Variants in VPS35L observed in about 807,000 individuals in gnomAD.
VPS35L encodes VPS35 endosomal protein-sorting factor-like.
VPS35L carries 83 observed loss-of-function variants against 133.0 expected under a neutral mutation model. The ratio of observed to expected loss-of-function variants is 0.62; its 90% confidence interval spans 0.52 to 0.75. VPS35L has a LOEUF of 0.75. Ranked by LOEUF, VPS35L falls within the 30% of genes least tolerant of loss-of-function variation. The pLI, the probability that VPS35L is intolerant of heterozygous loss-of-function variation, is 0.00. For missense variants in VPS35L, 1,083 were observed against 1,206.8 expected, an observed-to-expected ratio of 0.90 and a Z score of 1.52; for synonymous variants, 423 against 449.9, an observed-to-expected ratio of 0.94 and a Z score of 0.76.
rs568712960 is a variant in VPS35L, at chr16:19,690,058, G to T, written c.2528-1295G>T. Among the ~76,000 whole-genome samples, 3 of 152,110 alleles carry T rather than the reference G, an allele frequency of 2.0e-5. No homozygotes were observed. The South Asian group carries it at 6.2e-4, about 32-fold the overall frequency. On this transcript the variant is annotated intron_variant, in intron 28 of 30. Transcript: ENST00000417362. ...CTCCCAAGTATCTGGGACTACAGGC[G>T]TGAGCTACCAAACACAGCTAATTTT...
chr16:19,642,352 G>C (rs1973812274), intron 21 of VPS35L, 44 bp from the exon 22 acceptor site: 1 of 1,533,598 alleles, frequency 6.5e-7, no homozygotes, highest in Non-Finnish European at 9.0e-7. Context: ...TTGCAGTGCT[G>C]TCAGTGGACA....
chr16:19,575,828 C>T (rs1255912747), intron 5 of VPS35L, among the ~76,000 whole-genome samples: 3 of 131,300 alleles, frequency 2.3e-5, no homozygotes, highest in Non-Finnish European at 4.8e-5. Context: ...GCACTCCAGC[C>T]TGGGCAACAA....
chr16:19,667,031 T>G (rs1974716528), intron 26 of VPS35L, among the ~76,000 whole-genome samples: 2 of 150,564 alleles, frequency 1.3e-5, no homozygotes, highest in Non-Finnish European at 3.0e-5. Context: ...TTGCCCAGGC[T>G]CGGCTCACTG....
In VPS35L at chr16:19,564,931, A is replaced by G. The variant is rs770385859; in HGVS notation, c.98A>G (p.His33Arg). The change falls in exon 2 of 31, where the codon CAC becomes CGC. Residue 33 changes from histidine (H) to arginine (R), a missense_variant. By Grantham distance (29) the His-to-Arg change is conservative (BLOSUM62 0). Coordinates refer to ENST00000417362, the MANE Select transcript of VPS35L (RefSeq NM_020314.7). ...GTACCATTGGAGTTTGGGGACTATCACCCTCTGAAACCCATAACTGTAAGT... is the reference window on the plus strand; with the variant it reads ...GTACCATTGGAGTTTGGGGACTATCGCCCTCTGAAACCCATAACTGTAAGT... ...EAVPLEFGDY[H>R]PLKPITVTES... 7.5e-6 allele frequency: 12 copies of G among 1,609,144 alleles called. No individual in the cohort carries two copies. Among genetic ancestry groups the G allele is most frequent in the African/African-American group, 1.3e-5 (1 of 74,756 alleles).
Position 19,626,221 on chromosome 16 carries a change from CAAGT to C in VPS35L, c.1271+4_1271+7del. ...TGGAAAGGTGTAAGAAACTAGGAAACAAGTAAGTATTTTAAGATTCATAAAGCAT... is the reference window on the plus strand; with the variant it reads ...TGGAAAGGTGTAAGAAACTAGGAAACAAGTATTTTAAGATTCATAAAGCAT... On this transcript the variant is annotated splice_donor_variant and coding_sequence_variant, in exon 15 of 31. Transcript: ENST00000417362. LOFTEE classifies it high-confidence loss of function. 2 of 1,597,298 alleles carry C rather than the reference CAAGT, an allele frequency of 1.3e-6. No homozygotes were observed. Among genetic ancestry groups the C allele is most frequent in the Non-Finnish European group, 1.7e-6 (2 of 1,168,992 alleles).
chr16:19,579,332 T>C, intron 6 of VPS35L: 1 of 527,118 alleles, frequency 1.9e-6, no homozygotes, highest in Admixed American at 3.3e-5. Context: ...GCTGCTTTTC[T>C]AGAGGCCTCT....
intron 18 of VPS35L, among the ~76,000 whole-genome samples, chr16:19,630,184 A>G (rs1175612407): frequency 6.6e-6 from 1 of 152,090 alleles, no homozygotes; most frequent in East Asian, 1.9e-4. Flanking sequence ...TTCCTAAGCA[A>G]ATATTTCTTT....
At chr16:19,673,318 C>T (rs1974939297) in intron 27 of VPS35L, among the ~76,000 whole-genome samples, 1 of 152,202 alleles carries the variant, frequency 6.6e-6, no homozygotes, top group African/African-American at 2.4e-5. Flanking sequence ...ATTTGCATCT[C>T]CCCTTGAAAA....
chr16:19,678,728 T>C (rs1342786369), intron 27 of VPS35L, among the ~76,000 whole-genome samples: 2 of 151,824 alleles, frequency 1.3e-5, no homozygotes, highest in East Asian at 3.9e-4. Flanking sequence ...TCCACCTGCC[T>C]CGGCCTCCCA....
rs372517245 is a variant in VPS35L, at chr16:19,560,935, T to C, written c.18-3916T>C. ...ATCGAGGATTGCCTGATAGCATCCT[T>C]GATGGGATGGGAGTTTGGAGGAATA... On this transcript the variant is annotated intron_variant, in intron 1 of 30. Coordinates refer to ENST00000417362, the MANE Select transcript of VPS35L (RefSeq NM_020314.7). Among the ~76,000 whole-genome samples, 9 of 152,150 alleles carry C rather than the reference T, an allele frequency of 5.9e-5. No individual in the cohort carries two copies. The East Asian group carries it at 1.2e-3, about 20-fold the overall frequency.
At chr16:19,678,196 T>G (rs143867205) in intron 27 of VPS35L, among the ~76,000 whole-genome samples, 2 of 152,018 alleles carry the variant, frequency 1.3e-5, no homozygotes, top group African/African-American at 4.8e-5. Flanking sequence ...TCCCAAGGGG[T>G]TTAGTAGAAG....
At chr16:19,653,549 G>T (rs1014958368) in intron 26 of VPS35L, among the ~76,000 whole-genome samples, 1 of 152,310 alleles carries the variant, frequency 6.6e-6, no homozygotes, top group African/African-American at 2.4e-5. Context: ...CCCCTGATCT[G>T]TCTGGCTCAA....
intron 8 of VPS35L, among the ~76,000 whole-genome samples, chr16:19,598,269 G>A (rs567970257): frequency 3.3e-5 from 5 of 152,258 alleles, no homozygotes; most frequent in African/African-American, 9.6e-5. Flanking sequence ...TAAAGTAAAT[G>A]ACCTTGAATA....
chr16:19,691,322 G>A lies in VPS35L; in HGVS notation c.2528-31G>A, dbSNP rs771713446. 7.6e-6 allele frequency: 12 copies of A among 1,576,600 alleles called. No individual in the cohort carries two copies. The Admixed American group carries it at 1.3e-4, about 18-fold the overall frequency. ...TGGCCAGCATGGCCGCGGGGCTTGG[G>A]TCTGTCTCACTGTTCTTGTTTGTTC... On this transcript the variant is annotated intron_variant, in intron 28 of 30. Transcript: ENST00000417362.
At chr16:19,691,642 C>T (rs112017899) in intron 29 of VPS35L, among the ~76,000 whole-genome samples, 171 bp downstream of exon 29, 6,792 of 152,266 alleles carry the variant, frequency 0.045, 480 homozygotes, top group African/African-American at 0.15. Flanking sequence ...GTTTTCTCTG[C>T]CTGGACTGCG....
intron 28 of VPS35L, among the ~76,000 whole-genome samples, chr16:19,690,545 G>T: frequency 6.6e-6 from 1 of 152,202 alleles, no homozygotes; most frequent in East Asian, 1.9e-4. Context: ...AGGGTGACAG[G>T]GCAGGCAGCT....
At chr16:19,591,052 C>T (rs1454266855) in intron 7 of VPS35L, among the ~76,000 whole-genome samples, 1 of 152,142 alleles carries the variant, frequency 6.6e-6, no homozygotes, top group African/African-American at 2.4e-5. Flanking sequence ...CAATTCCCCG[C>T]AAAGCTGAAA....
chr16:19,691,143 A>AC (rs1434358488), intron 28 of VPS35L, among the ~76,000 whole-genome samples: 3 of 151,866 alleles, frequency 2.0e-5, no homozygotes, highest in African/African-American at 7.3e-5. Context: ...TGACTTCCAC[A>AC]CCCCTGGCTT....
At chr16:19,637,711 C>T (rs1973665913) in intron 20 of VPS35L, 55 bp downstream of exon 20, 3 of 1,269,498 alleles carry the variant, frequency 2.4e-6, no homozygotes, top group African/African-American at 1.5e-5. Context: ...CAGAGGTTCT[C>T]ATTGTCTCAG....
Sources: gnomAD v4.1 joint callset for allele counts (sites outside exome capture counted in the v4.1 genomes callset) on GRCh38, gnomAD v4.1.1 for gene constraint, MANE v1.5 for transcripts, NCBI Gene and HGNC (gene_info 2026-07-23, HGNC 2026-07-21) for gene names.